The following UST variants were observed in gnomAD, a reference collection of about 807,000 sequenced individuals.
UST encodes chondroitin sulfate 2-O-sulfotransferase.
A neutral mutation model predicts 45.6 loss-of-function variants in UST; 21 were observed. That is an observed-to-expected ratio of 0.46 (90% CI 0.33 to 0.66). The LOEUF (loss-of-function observed/expected upper bound fraction) is 0.66, where lower values mean the gene tolerates loss of function less well. Among genes scored for constraint, UST ranks in the 30% least tolerant of loss-of-function variants. The probability of loss-of-function intolerance (pLI) is 0.02; values close to 1 mark genes in which losing one functional copy is unlikely to be tolerated. For missense variants in UST, 463 were observed against 512.4 expected (o/e 0.90, Z 0.93); for synonymous variants, 215 against 200.6 (o/e 1.07, Z -0.61).
intron 3 of UST, among the ~76,000 whole-genome samples, chr6:148,952,840 G>C (rs942932629): frequency 6.6e-6 from 1 of 152,160 alleles, no homozygotes; most frequent in African/African-American, 2.4e-5. Flanking sequence ...CAGTGTGTTC[G>C]TTTTGATGGG....
At chr6:149,004,519 C>T (rs138027414) in intron 5 of UST, among the ~76,000 whole-genome samples, 150 of 152,278 alleles carry the variant, frequency 9.9e-4, no homozygotes, top group African/African-American at 3.4e-3. Context: ...CAGGAAGGGG[C>T]CCCAAATCCA....
At chr6:148,874,552 G>T (rs1778614211) in intron 1 of UST, among the ~76,000 whole-genome samples, 1 of 152,162 alleles carries the variant, frequency 6.6e-6, no homozygotes, top group Non-Finnish European at 1.5e-5. Flanking sequence ...TTCGGGATAT[G>T]TTTGCCTTTG....
intron 1 of UST, among the ~76,000 whole-genome samples, chr6:148,840,516 A>G (rs893886633): frequency 6.6e-6 from 1 of 152,288 alleles, no homozygotes; most frequent in African/African-American, 2.4e-5. Context: ...GGGTCTCGGT[A>G]TCTGCAGGGG....
At chr6:149,039,391 T>A (rs1405618799) in intron 7 of UST, among the ~76,000 whole-genome samples, 1 of 152,036 alleles carries the variant, frequency 6.6e-6, no homozygotes, top group Non-Finnish European at 1.5e-5. Context: ...CACGCCCAGC[T>A]AATTTTGTGT....
intron 1 of UST, among the ~76,000 whole-genome samples, chr6:148,855,318 A>G (rs1778183567): frequency 6.6e-6 from 1 of 152,150 alleles, no homozygotes; most frequent in Non-Finnish European, 1.5e-5. Flanking sequence ...GGGATTTGTT[A>G]TCTCCTCTCA....
intron 7 of UST, among the ~76,000 whole-genome samples, chr6:149,049,413 G>A (rs1313035013): frequency 1.3e-5 from 2 of 152,204 alleles, no homozygotes; most frequent in East Asian, 1.9e-4. Flanking sequence ...GAAAAACTAC[G>A]TGAGCACAGG....
At chr6:148,937,144 A>G (rs1295183071) in intron 2 of UST, among the ~76,000 whole-genome samples, 1 of 152,176 alleles carries the variant, frequency 6.6e-6, no homozygotes, top group African/African-American at 2.4e-5. Flanking sequence ...TAAAAACCCC[A>G]CCCTAAATTT....
intron 1 of UST, among the ~76,000 whole-genome samples, chr6:148,849,621 G>A (rs1476598998): frequency 6.6e-6 from 1 of 152,168 alleles, no homozygotes; most frequent in Non-Finnish European, 1.5e-5. Context: ...TACAATCATG[G>A]TGGAAGGTGC....
intron 1 of UST, 42 bp downstream of exon 1, chr6:148,747,719 A>G (rs1302171466): frequency 2.0e-6 from 3 of 1,533,896 alleles, no homozygotes; most frequent in East Asian, 2.5e-5. Context: ...CCGACAGCGC[A>G]AAGTTGTGCG....
intron 2 of UST, among the ~76,000 whole-genome samples, chr6:148,935,159 A>T (rs1235946229): frequency 6.6e-6 from 1 of 152,182 alleles, no homozygotes; most frequent in Non-Finnish European, 1.5e-5. Flanking sequence ...ATTTCTGTTT[A>T]TCTGGCACGC....
In UST at chr6:148,747,159, G is replaced by A. The variant is rs538424920; in HGVS notation, c.-272G>A. Among the ~76,000 whole-genome samples the A allele has an allele frequency of 1.9e-4, 28 of 149,464 alleles. No homozygotes were observed. The highest frequency in any genetic ancestry group is 6.1e-4 in the African/African-American group (25 of 41,254). On this transcript the variant is annotated 5_prime_UTR_variant, in exon 1 of 8. Transcript: ENST00000367463. ...AGGCGCGGCGGGGCGCGGGGCGTGG[G>A]GACGCTAGCGGGCGCCGGACGGGCG...
intron 1 of UST, among the ~76,000 whole-genome samples, chr6:148,784,512 G>A (rs1448118107): frequency 6.6e-6 from 1 of 152,208 alleles, no homozygotes; most frequent in Non-Finnish European, 1.5e-5. Context: ...CAAAAGGGAA[G>A]CTATATCAGG....
At chr6:148,950,811 G>A (rs1423345257) in intron 3 of UST, among the ~76,000 whole-genome samples, 5 of 152,100 alleles carry the variant, frequency 3.3e-5, no homozygotes, top group Non-Finnish European at 7.4e-5. Flanking sequence ...TCACATGATT[G>A]TACCTGCCTC....
In UST at chr6:148,821,273, A is replaced by AT. The variant is rs547803599; in HGVS notation, c.248-65702dup. ...GGCATGAGCCACCGCACCTGGCTGT[A>AT]TTTTTTTTTTTAAGTCTAATCCAAT... On this transcript the variant is annotated intron_variant, in intron 1 of 7. Coordinates refer to ENST00000367463, the MANE Select transcript of UST (RefSeq NM_005715.3). Among the ~76,000 whole-genome samples the AT allele has an allele frequency of 3.4e-3, 494 of 147,376 alleles. 2 individuals carry two copies. Among genetic ancestry groups the AT allele is most frequent in the African/African-American group, 0.01 (421 of 40,370 alleles).
intron 2 of UST, among the ~76,000 whole-genome samples, chr6:148,925,316 G>C (rs1374172846): frequency 6.6e-6 from 1 of 152,066 alleles, no homozygotes; most frequent in Non-Finnish European, 1.5e-5. Context: ...TGAGTTGAGC[G>C]GTTTACAATT....
At chr6:148,951,806 A>G (rs1029793889) in intron 3 of UST, among the ~76,000 whole-genome samples, 19 of 152,212 alleles carry the variant, frequency 1.2e-4, no homozygotes, top group African/African-American at 4.6e-4. Context: ...CCTTGATTCT[A>G]TGTTTAAAGA....
chr6:148,750,686 T>C (rs1045672350), intron 1 of UST, among the ~76,000 whole-genome samples: 6 of 152,198 alleles, frequency 3.9e-5, no homozygotes, highest in African/African-American at 1.4e-4. Flanking sequence ...AATTCCACTT[T>C]CCTTTTCTTG....
At chr6:148,826,391 G>A (rs964437607) in intron 1 of UST, among the ~76,000 whole-genome samples, 1 of 151,760 alleles carries the variant, frequency 6.6e-6, no homozygotes, top group African/African-American at 2.4e-5. Context: ...GGGATCACAG[G>A]CATGAGCCAT....
chr6:148,805,046 T>C (rs1641260621), intron 1 of UST, among the ~76,000 whole-genome samples: 1 of 152,194 alleles, frequency 6.6e-6, no homozygotes, highest in Non-Finnish European at 1.5e-5. Flanking sequence ...TCCCTCTATG[T>C]TTGCATATTT....
Sources: gnomAD v4.1 joint callset for allele counts (sites outside exome capture counted in the v4.1 genomes callset) on GRCh38, gnomAD v4.1.1 for gene constraint, MANE v1.5 for transcripts, NCBI Gene and HGNC (gene_info 2026-07-23, HGNC 2026-07-21) for gene names.